The following GPC5 variants were observed in gnomAD, a reference collection of about 807,000 sequenced individuals.
GPC5 encodes the protein glypican 5, also known as glypican-5.
GPC5 carries 47 observed loss-of-function variants against 53.9 expected under a neutral mutation model. That is an observed-to-expected ratio of 0.87 (90% CI 0.69 to 1.11). The LOEUF (loss-of-function observed/expected upper bound fraction) is 1.11. Ranked by LOEUF, GPC5 falls within the 50% of genes most tolerant of loss-of-function variation. The pLI, the probability that GPC5 is intolerant of heterozygous loss-of-function variation, is 0.00. For missense variants in GPC5, 748 were observed against 713.1 expected, an observed-to-expected ratio of 1.05 and a Z score of -0.56; for synonymous variants, 286 against 263.3, an observed-to-expected ratio of 1.09 and a Z score of -0.84.
intron 7 of GPC5, among the ~76,000 whole-genome samples, chr13:92,599,928 G>A (rs565275492): frequency 3.3e-5 from 5 of 151,968 alleles, no homozygotes; most frequent in Admixed American, 6.6e-5. Context: ...TACAATCATC[G>A]CCACTATTTC....
chr13:91,585,260 A>G (rs992943020), intron 2 of GPC5, among the ~76,000 whole-genome samples: 1 of 152,230 alleles, frequency 6.6e-6, no homozygotes, highest in Non-Finnish European at 1.5e-5. Flanking sequence ...GAACATATGC[A>G]TACTATAACC....
chr13:91,496,801 A>T (rs1217675610), intron 2 of GPC5, among the ~76,000 whole-genome samples: 1 of 152,182 alleles, frequency 6.6e-6, no homozygotes, highest in African/African-American at 2.4e-5. Flanking sequence ...AACGCAAAAG[A>T]TGAATGCTTG....
intron 5 of GPC5, among the ~76,000 whole-genome samples, chr13:91,870,670 A>G (rs1360863946): frequency 2.0e-5 from 3 of 152,228 alleles, no homozygotes; most frequent in African/African-American, 7.2e-5. Flanking sequence ...ACTATGTAAT[A>G]AAAATGTGAT....
chr13:91,813,274 ACT>A (rs2038342097), intron 5 of GPC5, among the ~76,000 whole-genome samples: 2 of 152,086 alleles, frequency 1.3e-5, no homozygotes, highest in Non-Finnish European at 2.9e-5. Flanking sequence ...CCTTTGCATT[ACT>A]TTGATGCACC....
At chr13:91,982,267 T>G (rs909631409) in intron 6 of GPC5, among the ~76,000 whole-genome samples, 4 of 152,314 alleles carry the variant, frequency 2.6e-5, no homozygotes, top group Admixed American at 6.5e-5. Context: ...GTTCATTCTC[T>G]TTAATTCCAG....
At chr13:92,546,749 G>C (rs527263646) in intron 7 of GPC5, among the ~76,000 whole-genome samples, 2 of 152,120 alleles carry the variant, frequency 1.3e-5, no homozygotes, top group African/African-American at 4.8e-5. Context: ...GAGGCATCAC[G>C]CTACCTGACT....
chr13:91,881,500 A>T (rs2039263313), intron 5 of GPC5, among the ~76,000 whole-genome samples: 1 of 152,132 alleles, frequency 6.6e-6, no homozygotes, highest in African/African-American at 2.4e-5. Context: ...ATTCAAGATG[A>T]TACATGGGTC....
chr13:92,076,876 A>C lies in GPC5; in HGVS notation c.1402-67954A>C, dbSNP rs868810547. The stretch of plus-strand genomic sequence containing the variant: ...TCCCAATCCTGAAGAAATTAAGTAA[A>C]ATTCTAGCACCTTTTAAAGGCCTGA... On this transcript the variant is annotated intron_variant, in intron 6 of 7. Coordinates refer to ENST00000377067, the MANE Select transcript of GPC5 (RefSeq NM_004466.6). Among the ~76,000 whole-genome samples, 39 of 152,278 alleles carry C rather than the reference A, an allele frequency of 2.6e-4. No individual in the cohort carries two copies. In the Middle Eastern group the frequency reaches 0.01, roughly 40 times the overall value.
intron 2 of GPC5, among the ~76,000 whole-genome samples, chr13:91,502,836 C>T (rs1363135294): frequency 1.3e-5 from 2 of 152,106 alleles, no homozygotes; most frequent in Admixed American, 6.6e-5. Context: ...CAAGAAAAAT[C>T]AAAGCTCAGA....
At chr13:92,284,464 C>T (rs532220993) in intron 7 of GPC5, among the ~76,000 whole-genome samples, 1 of 152,276 alleles carries the variant, frequency 6.6e-6, no homozygotes, top group South Asian at 2.1e-4. Context: ...ACCGATATCC[C>T]TGATGAACAT....
chr13:92,445,650 A>G (rs1566593743), intron 7 of GPC5, among the ~76,000 whole-genome samples: 3 of 151,780 alleles, frequency 2.0e-5, no homozygotes, highest in East Asian at 3.9e-4. Flanking sequence ...TGAACTCATC[A>G]TTTTTTATGG....
intron 2 of GPC5, among the ~76,000 whole-genome samples, chr13:91,574,889 C>T (rs892566799): frequency 3.9e-5 from 6 of 152,038 alleles, no homozygotes; most frequent in African/African-American, 1.4e-4. Flanking sequence ...CCTAGTTGAT[C>T]GTTAGAGTTC....
At chr13:91,754,936 TA>T (rs1345671873) in intron 4 of GPC5, among the ~76,000 whole-genome samples, 2 of 152,174 alleles carry the variant, frequency 1.3e-5, no homozygotes, top group African/African-American at 4.8e-5. Flanking sequence ...CCATCTTTGC[TA>T]AAAACTCGTT....
At chr13:92,423,472 T>A (rs1006115398) in intron 7 of GPC5, among the ~76,000 whole-genome samples, 2 of 152,192 alleles carry the variant, frequency 1.3e-5, no homozygotes, top group Non-Finnish European at 2.9e-5. Context: ...ATTCCACAAC[T>A]GTGTAGTGTA....
intron 7 of GPC5, among the ~76,000 whole-genome samples, chr13:92,778,452 TTAAGAG>T (rs1239064770): frequency 2.0e-5 from 3 of 152,184 alleles, no homozygotes; most frequent in African/African-American, 7.2e-5. Flanking sequence ...CTTGTCTTTA[TTAAGAG>T]TAAGTATAAA....
intron 7 of GPC5, among the ~76,000 whole-genome samples, chr13:92,407,991 C>T (rs918599707): frequency 1.3e-5 from 2 of 152,136 alleles, no homozygotes; most frequent in Non-Finnish European, 2.9e-5. Context: ...ACCAGGGGTC[C>T]CCAAGCCATG....
intron 6 of GPC5, among the ~76,000 whole-genome samples, chr13:91,919,699 C>T (rs1221355333): frequency 6.6e-6 from 1 of 152,066 alleles, no homozygotes; most frequent in Non-Finnish European, 1.5e-5. Flanking sequence ...AGATAACTCT[C>T]CTCCACTTTC....
intron 7 of GPC5, among the ~76,000 whole-genome samples, chr13:92,161,043 T>G (rs76507230): frequency 3.8e-5 from 4 of 106,340 alleles, no homozygotes; most frequent in East Asian, 2.0e-4. Context: ...AAAAGTGTTT[T>G]TTTTTTTTTT....
chr13:92,601,364 T>C (rs983999303), intron 7 of GPC5, among the ~76,000 whole-genome samples: 7 of 151,962 alleles, frequency 4.6e-5, no homozygotes, highest in Admixed American at 3.9e-4. Context: ...AAGACCAGCC[T>C]GGCCAACATG....
Sources: gnomAD v4.1 joint callset for allele counts (sites outside exome capture counted in the v4.1 genomes callset) on GRCh38, gnomAD v4.1.1 for gene constraint, MANE v1.5 for transcripts, NCBI Gene and HGNC (gene_info 2026-07-23, HGNC 2026-07-21) for gene names.